CREB3L2: variants seen among roughly 807,000 people sequenced by gnomAD.
The protein encoded by CREB3L2 is cAMP responsive element binding protein 3 like 2.
CREB3L2 carries 23 observed loss-of-function variants against 57.2 expected under a neutral mutation model. The ratio of observed to expected loss-of-function variants is 0.40; its 90% CI spans 0.29 to 0.57. The LOEUF (loss-of-function observed/expected upper bound fraction) is 0.57, where lower values mean the gene tolerates loss of function less well. Ranked by LOEUF, CREB3L2 falls within the 20% of genes least tolerant of loss-of-function variation. The pLI is 0.42. For synonymous variants in CREB3L2, 268 were observed against 265.1 expected (o/e 1.01, Z -0.11); for missense variants, 628 against 634.7 (o/e 0.99, Z 0.11).
chr7:137,910,210 C>CCCCGG (rs1799977597), intron 4 of CREB3L2, among the ~76,000 whole-genome samples: 1 of 152,104 alleles, frequency 6.6e-6, no homozygotes, highest in African/African-American at 2.4e-5. Flanking sequence ...ACCCTGGTCC[C>CCCCGG]CCCGGCCCTG....
At chr7:137,946,631 T>C in intron 1 of CREB3L2, among the ~76,000 whole-genome samples, 1 of 150,838 alleles carries the variant, frequency 6.6e-6, no homozygotes, top group South Asian at 2.1e-4. Flanking sequence ...TAAGCCACTA[T>C]GTTTATGGTA....
chr7:137,940,010 A>G (rs1395509658), intron 1 of CREB3L2, among the ~76,000 whole-genome samples: 4 of 151,956 alleles, frequency 2.6e-5, no homozygotes, highest in Non-Finnish European at 5.9e-5. Flanking sequence ...TTCTCTAGAT[A>G]CTCTTCCTAA....
chr7:137,911,435 T>C (rs1347972757), intron 4 of CREB3L2, among the ~76,000 whole-genome samples: 2 of 152,256 alleles, frequency 1.3e-5, no homozygotes, highest in Non-Finnish European at 1.5e-5. Flanking sequence ...TATGTAAACA[T>C]CCTCACATTT....
At chr7:137,904,589 G>A (rs530422310) in intron 6 of CREB3L2, among the ~76,000 whole-genome samples, 46 of 152,244 alleles carry the variant, frequency 3.0e-4, no homozygotes, top group African/African-American at 8.7e-4. Context: ...GCTTGAGTCC[G>A]GGAGGCAGAG....
Position 137,878,263 on chromosome 7 carries a change from T to A in CREB3L2, c.*2213A>T. The A allele has an allele frequency of 4.3e-6, 1 of 232,714 alleles. No homozygotes were observed. The highest frequency in any genetic ancestry group is 8.5e-6 in the Non-Finnish European group (1 of 117,688). The allele number at this position is 232,714 out of a possible 1,614,324, so 14.4% of individuals were successfully genotyped here. ...GTTTCCTACTCTACGTCTGGGAGCCTTGAAAACCCAGTCTGGTTCAGTTGC... is the reference window on the plus strand; with the variant it reads ...GTTTCCTACTCTACGTCTGGGAGCCATGAAAACCCAGTCTGGTTCAGTTGC... On this transcript the variant is annotated 3_prime_UTR_variant, in exon 12 of 12. Coordinates refer to ENST00000330387, the MANE Select transcript of CREB3L2 (RefSeq NM_194071.4).
intron 1 of CREB3L2, among the ~76,000 whole-genome samples, chr7:137,968,394 T>C (rs1801445771): frequency 6.6e-6 from 1 of 151,986 alleles, no homozygotes; most frequent in South Asian, 2.1e-4. Flanking sequence ...CAGTATGTGA[T>C]GTTCCCCTCC....
intron 1 of CREB3L2, among the ~76,000 whole-genome samples, chr7:137,936,954 A>G (rs1356694438): frequency 6.6e-6 from 1 of 152,194 alleles, no homozygotes; most frequent in Non-Finnish European, 1.5e-5. Flanking sequence ...CTGTAATGCC[A>G]GCCCATGGGC....
chr7:137,884,776 C>G, intron 10 of CREB3L2: 1 of 638,510 alleles, frequency 1.6e-6, no homozygotes, highest in Non-Finnish European at 2.8e-6. Context: ...AGTTTGCAAA[C>G]TGTGCTCTGT....
intron 8 of CREB3L2, among the ~76,000 whole-genome samples, chr7:137,895,111 A>G (rs1206063438): frequency 6.6e-6 from 1 of 152,234 alleles, no homozygotes; most frequent in African/African-American, 2.4e-5. Flanking sequence ...TAAGAAATAA[A>G]TGGAGCAAAC....
At position 137,928,200 on chromosome 7, in the gene CREB3L2, C is replaced by A; in HGVS notation, c.269G>T (p.Arg90Leu). 6.2e-7 allele frequency: 1 copy of A among 1,602,124 alleles called. No individual in the cohort carries two copies. The highest frequency in any genetic ancestry group is 1.3e-5 in the African/African-American group (1 of 74,772). ...EHSYSLCEEP[R>L]AQSPFTHITT... ...AATGTGGGTGAAGGGCGACTGGGCCCGAGGCTCCTCGCACAGGGAGTAGCT... is the reference window on the plus strand; with the variant it reads ...AATGTGGGTGAAGGGCGACTGGGCCAGAGGCTCCTCGCACAGGGAGTAGCT... The change falls in exon 2 of 12, where the codon CGG (arginine) becomes CTG (leucine). Residue 90 changes from arginine (R) to leucine (L), a missense_variant. By Grantham distance (102) the Arg-to-Leu change is moderately radical. Coordinates refer to ENST00000330387, the MANE Select transcript of CREB3L2 (RefSeq NM_194071.4).
At chr7:137,967,976 A>G (rs899697860) in intron 1 of CREB3L2, among the ~76,000 whole-genome samples, 1 of 152,260 alleles carries the variant, frequency 6.6e-6, no homozygotes, top group Admixed American at 6.5e-5. Context: ...GCTGCAAGGT[A>G]GGTTATACTC....
At chr7:137,987,157 C>G (rs1036083401) in intron 1 of CREB3L2, among the ~76,000 whole-genome samples, 1 of 152,196 alleles carries the variant, frequency 6.6e-6, no homozygotes, top group Non-Finnish European at 1.5e-5. Flanking sequence ...GAATACCATT[C>G]AGGGGTAGGA....
intron 8 of CREB3L2, among the ~76,000 whole-genome samples, chr7:137,898,946 C>T (rs1457165095): frequency 9.7e-6 from 1 of 102,860 alleles, no homozygotes; most frequent in African/African-American, 4.4e-5. Context: ...GAGGGAGGAA[C>T]AAAGGAAAGA....
chr7:137,990,697 G>A (rs1217118417), intron 1 of CREB3L2, among the ~76,000 whole-genome samples: 1 of 152,142 alleles, frequency 6.6e-6, no homozygotes, highest in Non-Finnish European at 1.5e-5. Flanking sequence ...AACACAATTG[G>A]CCACTGAGAA....
chr7:137,895,213 A>T (rs908970970), intron 8 of CREB3L2, among the ~76,000 whole-genome samples: 1 of 152,248 alleles, frequency 6.6e-6, no homozygotes, highest in Non-Finnish European at 1.5e-5. Context: ...AAATGACAAG[A>T]TTTCTCAGGG....
chr7:137,969,650 C>T (rs891475653), intron 1 of CREB3L2, among the ~76,000 whole-genome samples: 1 of 151,974 alleles, frequency 6.6e-6, no homozygotes, highest in Non-Finnish European at 1.5e-5. Flanking sequence ...CGCGTCCGGC[C>T]TATGATTTTC....
chr7:137,953,037 G>A (rs1196029911), intron 1 of CREB3L2, among the ~76,000 whole-genome samples: 2 of 152,160 alleles, frequency 1.3e-5, no homozygotes, highest in Non-Finnish European at 2.9e-5. Flanking sequence ...GGCTGGTCTC[G>A]AACTCCTGAC....
At chr7:137,966,710 G>C (rs1032425516) in intron 1 of CREB3L2, among the ~76,000 whole-genome samples, 1 of 152,164 alleles carries the variant, frequency 6.6e-6, no homozygotes, top group Non-Finnish European at 1.5e-5. Context: ...TGCCATATGA[G>C]AGTTCATCAA....
At chr7:137,922,354 G>C (rs1800300724) in intron 2 of CREB3L2, among the ~76,000 whole-genome samples, 1 of 134,102 alleles carries the variant, frequency 7.5e-6, no homozygotes, top group African/African-American at 3.0e-5. Context: ...ACCTGTATCA[G>C]ATACTTTCTG....
Sources: allele counts gnomAD v4.1 joint callset (sites outside exome capture counted in the v4.1 genomes callset), GRCh38; gene constraint gnomAD v4.1.1; transcripts MANE v1.5; gene names NCBI Gene and HGNC (gene_info 2026-07-23, HGNC 2026-07-21).